Variants in PTPRT observed in about 807,000 individuals in gnomAD.
The protein encoded by PTPRT is receptor-type tyrosine-protein phosphatase T.
A neutral mutation model predicts 176.8 loss-of-function variants in PTPRT; 56 were observed. The observed-to-expected ratio is 0.32, with a 90% CI of 0.26 to 0.40. The LOEUF (loss-of-function observed/expected upper bound fraction) is 0.40. Ranked by LOEUF, PTPRT falls within the 10% of genes least tolerant of loss-of-function variation. The pLI is 1.00. For missense variants in PTPRT, 1,540 were observed against 1,908.2 expected, an observed-to-expected ratio of 0.81 and a Z score of 3.60; for synonymous variants, 783 against 739.0, an observed-to-expected ratio of 1.06 and a Z score of -0.96.
chr20:42,276,218 G>T (rs2057027185), intron 13 of PTPRT, among the ~76,000 whole-genome samples: 1 of 151,830 alleles, frequency 6.6e-6, no homozygotes. Context: ...GAATACTATT[G>T]CTCTGCAGGA....
intron 9 of PTPRT, among the ~76,000 whole-genome samples, chr20:42,423,447 C>T (rs73121633): frequency 0.11 from 16,641 of 152,094 alleles, 920 homozygotes; most frequent in Middle Eastern, 0.14. Context: ...CAGTCTGGCC[C>T]CAACTCTCTC....
chr20:42,042,223 T>C, the PTPRT span, among the ~76,000 whole-genome samples: 1 of 152,170 alleles, frequency 6.6e-6, no homozygotes, highest in African/African-American at 2.4e-5. Context: ...TGGTTTACAT[T>C]TTTCACAAAG....
At chr20:42,598,144 C>G (rs2073708072) in intron 7 of PTPRT, among the ~76,000 whole-genome samples, 1 of 151,140 alleles carries the variant, frequency 6.6e-6, no homozygotes, top group Non-Finnish European at 1.5e-5. Context: ...TAAAAAAAAA[C>G]ACAAGTGATC....
intron 7 of PTPRT, among the ~76,000 whole-genome samples, chr20:42,493,361 G>GT (rs923086305): frequency 2.9e-4 from 44 of 151,236 alleles, no homozygotes; most frequent in Admixed American, 1.6e-3. Context: ...ACTTTGAGGG[G>GT]TTTTTTTTTA....
At chr20:42,196,087 A>G (rs1245207608) in intron 16 of PTPRT, among the ~76,000 whole-genome samples, 1 of 152,248 alleles carries the variant, frequency 6.6e-6, no homozygotes, top group East Asian at 1.9e-4. Context: ...CAGGGTCACA[A>G]TGATTGTCAA....
intron 1 of PTPRT, among the ~76,000 whole-genome samples, chr20:42,887,416 TC>T (rs1203430842): frequency 6.6e-6 from 1 of 152,170 alleles, no homozygotes; most frequent in Non-Finnish European, 1.5e-5. Context: ...ATCTTATACT[TC>T]CTAGTCCCCA....
intron 2 of PTPRT, among the ~76,000 whole-genome samples, chr20:42,871,025 A>G (rs2078836650): frequency 6.6e-6 from 1 of 150,650 alleles, no homozygotes; most frequent in East Asian, 2.0e-4. Flanking sequence ...ATCTTGGCTC[A>G]CTGCAACCTC....
At chr20:42,421,394 T>A (rs1379719543) in intron 9 of PTPRT, among the ~76,000 whole-genome samples, 1 of 151,882 alleles carries the variant, frequency 6.6e-6, no homozygotes, top group Non-Finnish European at 1.5e-5. Flanking sequence ...TTGGGAAAAG[T>A]GTGGAGAAAG....
At chr20:42,105,258 C>G (rs886501181) in intron 24 of PTPRT, among the ~76,000 whole-genome samples, 1 of 152,148 alleles carries the variant, frequency 6.6e-6, no homozygotes, top group Non-Finnish European at 1.5e-5. Context: ...GTTAAAGTAG[C>G]CTTTGTTTGT....
At chr20:42,253,740 G>T (rs377258536) in intron 13 of PTPRT, among the ~76,000 whole-genome samples, 1 of 152,156 alleles carries the variant, frequency 6.6e-6, no homozygotes, top group Non-Finnish European at 1.5e-5. Context: ...AACTCAGCTT[G>T]TACTGACAGG....
chr20:42,548,635 T>C (rs189663537), intron 7 of PTPRT, among the ~76,000 whole-genome samples: 7 of 152,264 alleles, frequency 4.6e-5, no homozygotes, highest in Admixed American at 2.6e-4. Flanking sequence ...AGGAATTTTA[T>C]TATCTAAAAA....
chr20:42,362,979 G>A (rs1297106618), intron 9 of PTPRT, among the ~76,000 whole-genome samples: 3 of 151,022 alleles, frequency 2.0e-5, no homozygotes, highest in African/African-American at 7.3e-5. Context: ...GGTGGCGGGC[G>A]CGGGTAATCC....
At position 42,079,219 on chromosome 20, in the gene PTPRT, A is replaced by G. The variant is rs112875560; in HGVS notation, c.*1660T>C. On this transcript the variant is annotated 3_prime_UTR_variant, in exon 31 of 31. Coordinates refer to ENST00000373187, the MANE Select transcript of PTPRT (RefSeq NM_007050.6). ...CCTGGGGAGCTGGGAATGTGTTACT[A>G]AAATATATCTGAAATTCTGCGCTTC... The G allele has an allele frequency of 8.6e-5, 18 of 208,402 alleles. No homozygotes were observed. The highest frequency in any genetic ancestry group is 3.6e-4 in the African/African-American group (16 of 44,114). The allele number at this position is 208,402 out of a possible 1,614,324, so 12.9% of individuals were successfully genotyped here. A position where few individuals can be genotyped will look rare whatever the true frequency, so the allele number is the denominator to read the frequency against.
Position 42,449,454 on chromosome 20 carries a change from A to G in PTPRT, c.1451-1125T>C, listed in dbSNP as rs181227536. Among the ~76,000 whole-genome samples, 361 of 152,282 alleles carry G rather than the reference A, an allele frequency of 2.4e-3. 2 individuals are homozygous for G. Among genetic ancestry groups the G allele is most frequent in the Middle Eastern group, 0.01 (3 of 294 alleles). ...CTGCTGTAACCCCTTAGAAATAATG[A>G]ATTTCAGTAAATTGTTGCCAAATCT... On this transcript the variant is annotated intron_variant, in intron 8 of 30. Transcript: ENST00000373187.
intron 15 of PTPRT, among the ~76,000 whole-genome samples, chr20:42,231,197 A>C (rs2056127761): frequency 6.6e-6 from 1 of 152,244 alleles, no homozygotes; most frequent in African/African-American, 2.4e-5. Context: ...CTACAGGCAG[A>C]CAGACTTGCA....
At chr20:42,102,708 G>C (rs1986063864) in intron 25 of PTPRT, among the ~76,000 whole-genome samples, 1 of 152,170 alleles carries the variant, frequency 6.6e-6, no homozygotes, top group Admixed American at 6.5e-5. Context: ...GTCATGGAAT[G>C]GGGGAAATGA....
chr20:42,177,680 T>C (rs1455132548), intron 16 of PTPRT, among the ~76,000 whole-genome samples: 1 of 152,128 alleles, frequency 6.6e-6, no homozygotes, highest in Non-Finnish European at 1.5e-5. Flanking sequence ...GACATAAGGA[T>C]TTAGTGGCTT....
chr20:42,784,920 C>G (rs968899090), intron 3 of PTPRT, among the ~76,000 whole-genome samples: 3 of 152,122 alleles, frequency 2.0e-5, no homozygotes, highest in African/African-American at 4.8e-5. Context: ...GTACACGTGA[C>G]TTAACAGTCA....
chr20:42,390,573 C>T (rs2058791320), intron 9 of PTPRT, among the ~76,000 whole-genome samples: 1 of 152,154 alleles, frequency 6.6e-6, no homozygotes, highest in Admixed American at 6.5e-5. Context: ...ATTTCTTTCC[C>T]TTTTCTCTTG....
Sources: allele counts gnomAD v4.1 joint callset (sites outside exome capture counted in the v4.1 genomes callset), GRCh38; gene constraint gnomAD v4.1.1; transcripts MANE v1.5; gene names NCBI Gene and HGNC (gene_info 2026-07-23, HGNC 2026-07-21).